The following LONRF2 variants were observed in gnomAD, a reference collection of about 807,000 sequenced individuals.
LONRF2 encodes the protein LON peptidase N-terminal domain and ring finger 2, also known as LON peptidase N-terminal domain and RING finger protein 2.
LONRF2 carries 35 observed loss-of-function variants against 66.6 expected under a neutral mutation model. The observed-to-expected ratio is 0.53, with a 90% CI of 0.40 to 0.70. The LOEUF is 0.70. LONRF2 is among the 30% of genes least tolerant of loss of function. The pLI is 0.00. For synonymous variants in LONRF2, 417 were observed against 418.1 expected (o/e 1.00, Z 0.03); for missense variants, 902 against 1,002.1 (o/e 0.90, Z 1.35).
At chr2:100,318,657 C>G (rs558355970) in intron 1 of LONRF2, among the ~76,000 whole-genome samples, 26 of 150,696 alleles carry the variant, frequency 1.7e-4, no homozygotes, top group African/African-American at 6.3e-4. Flanking sequence ...TGAAACACGT[C>G]TCTACTAAAC....
chr2:100,303,684 T>C (rs983578761), intron 2 of LONRF2, among the ~76,000 whole-genome samples: 16 of 152,220 alleles, frequency 1.1e-4, no homozygotes, highest in African/African-American at 3.6e-4. Flanking sequence ...CCATAAATAT[T>C]ATTTCCCTGT....
In LONRF2 at chr2:100,281,899, G is replaced by C. The variant is rs941589625; in HGVS notation, c.*2399C>G. 6 of 150,658 alleles carry C rather than the reference G, an allele frequency of 4.0e-5. No homozygotes were observed. The highest frequency in any genetic ancestry group is 1.2e-4 in the African/African-American group (5 of 40,992). The allele number at this position is 150,658 out of a possible 1,614,324, so 9.3% of individuals were successfully genotyped here. ...CTGAAGCTGGGGTTTTTTTTTTTTAGGTTTGTAAGGGAGGCTTCCTTCATG... is the reference window on the plus strand; with the variant it reads ...CTGAAGCTGGGGTTTTTTTTTTTTACGTTTGTAAGGGAGGCTTCCTTCATG... On this transcript the variant is annotated 3_prime_UTR_variant, in exon 12 of 12. Coordinates refer to ENST00000393437, the MANE Select transcript of LONRF2 (RefSeq NM_198461.4).
chr2:100,294,348 G>T lies in LONRF2; in HGVS notation c.1638C>A (p.Ala546=). 6.2e-7 allele frequency: 1 copy of T among 1,602,276 alleles called. No individual in the cohort carries two copies. The highest frequency in any genetic ancestry group is 1.1e-5 in the South Asian group (1 of 89,190). Residue 546 remains alanine, a synonymous_variant, in exon 9 of 12, where the codon GCC becomes GCA. Coordinates refer to ENST00000393437, the MANE Select transcript of LONRF2 (RefSeq NM_198461.4). The part of the protein sequence containing the change: ...RDVPIFVCAM[A]FPTVPCPLHV... ...GGAGTGGACATGGGACCGTGGGGAA[G>T]GCCATGGCACACACAAAGATGGGGA...
At chr2:100,307,607 G>A (rs763793215) in intron 2 of LONRF2, among the ~76,000 whole-genome samples, 9 of 152,276 alleles carry the variant, frequency 5.9e-5, no homozygotes, top group African/African-American at 9.6e-5. Context: ...TTGGGGCGAC[G>A]TCAGCCAAAA....
intron 1 of LONRF2, among the ~76,000 whole-genome samples, chr2:100,316,336 A>AGG: frequency 1.8e-5 from 1 of 54,856 alleles, no homozygotes; most frequent in African/African-American, 4.1e-5. Context: ...AAAAAAAAAA[A>AGG]AAGAAAGAAA....
intron 1 of LONRF2, among the ~76,000 whole-genome samples, chr2:100,312,369 C>G (rs1400339115): frequency 6.6e-6 from 1 of 151,984 alleles, no homozygotes; most frequent in African/African-American, 2.4e-5. Context: ...AAATATTTGT[C>G]CCTTAATGGC....
chr2:100,303,115 T>C (rs910841931), intron 2 of LONRF2, 72 bp from the exon 3 acceptor site: 2 of 1,374,108 alleles, frequency 1.5e-6, no homozygotes, highest in Admixed American at 4.9e-5. Context: ...CAAACTTCCC[T>C]GAACAAATTT....
Position 100,280,985 on chromosome 2 carries a change from A to C in LONRF2, c.*3313T>G, listed in dbSNP as rs960816760. ...AAATTTTGAAGAGTGGTATTTACCCAAGTAATTTAAGTGGTGGGGCACAAA... is the reference window on the plus strand; with the variant it reads ...AAATTTTGAAGAGTGGTATTTACCCCAGTAATTTAAGTGGTGGGGCACAAA... On this transcript the variant is annotated 3_prime_UTR_variant, in exon 12 of 12. Coordinates refer to ENST00000393437, the MANE Select transcript of LONRF2 (RefSeq NM_198461.4). 2 of 152,188 alleles carry C rather than the reference A, an allele frequency of 1.3e-5. No individual in the cohort carries two copies. The highest frequency in any genetic ancestry group is 2.9e-5 in the Non-Finnish European group (2 of 68,030). The allele number at this position is 152,188 out of a possible 1,614,324, so 9.4% of individuals were successfully genotyped here.
chr2:100,299,822 C>A lies in LONRF2; in HGVS notation c.1162G>T (p.Glu388Ter). Residue 388 changes from glutamate to a stop codon, truncating the protein, a stop_gained, in exon 5 of 12, where the codon GAA becomes TAA. Transcript: ENST00000393437. LOFTEE classifies it high-confidence loss of function. Reference sequence around the variant, plus strand: ...CTGGGTGCTGTTGGAAGGATGCTTTCTAACGCCTTTTTATCCTCTTCAAAG... The same window carrying A: ...CTGGGTGCTGTTGGAAGGATGCTTTATAACGCCTTTTTATCCTCTTCAAAG... Reference protein sequence around the residue: ...LHFEEDKKALESILPTAPSAG... With the variant: ...LHFEEDKKAL 6.2e-7 allele frequency: 1 copy of A among 1,613,758 alleles called. No homozygotes were observed. The highest frequency in any genetic ancestry group is 8.5e-7 in the Non-Finnish European group (1 of 1,179,774).
At chr2:100,312,708 T>C (rs1322933252) in intron 1 of LONRF2, among the ~76,000 whole-genome samples, 2 of 152,218 alleles carry the variant, frequency 1.3e-5, no homozygotes, top group Admixed American at 1.3e-4. Context: ...GAATCACTGT[T>C]TTCTTTGTTG....
intron 1 of LONRF2, among the ~76,000 whole-genome samples, chr2:100,317,704 G>A (rs577383619): frequency 6.6e-6 from 1 of 151,536 alleles, no homozygotes; most frequent in African/African-American, 2.4e-5. Context: ...TTGATTTTGT[G>A]AAAAATATTT....
intron 9 of LONRF2, among the ~76,000 whole-genome samples, chr2:100,291,936 G>A (rs917083676): frequency 1.3e-5 from 2 of 152,080 alleles, no homozygotes; most frequent in African/African-American, 4.8e-5. Context: ...CACAAAACAC[G>A]GAGGCTCAGA....
Position 100,278,132 on chromosome 2 carries a change from C to T in LONRF2, c.*6166G>A, listed in dbSNP as rs1354675061. ...CAAATTCTGGTCTGCAAACAGACCC[C>T]GAAATGGGCCTCTATCTTGCACCAC... On this transcript the variant is annotated 3_prime_UTR_variant, in exon 12 of 12. Transcript: ENST00000393437. 6.6e-6 allele frequency: 1 copy of T among 152,104 alleles called. No homozygotes were observed. Among genetic ancestry groups the T allele is most frequent in the Admixed American group, 6.5e-5 (1 of 15,282 alleles). The allele number at this position is 152,104 out of a possible 1,614,324, so 9.4% of individuals were successfully genotyped here.
chr2:100,303,094 A>G, intron 2 of LONRF2, 51 bp from the exon 3 acceptor site: 1 of 1,482,324 alleles, frequency 6.7e-7, no homozygotes, highest in Non-Finnish European at 9.0e-7. Flanking sequence ...GCATGATTAT[A>G]TACTTGAATA....
intron 10 of LONRF2, among the ~76,000 whole-genome samples, chr2:100,289,352 A>G (rs531859186): frequency 4.6e-5 from 7 of 151,972 alleles, no homozygotes; most frequent in Admixed American, 2.6e-4. Context: ...TGCCAGCTCC[A>G]GGGCTACAGC....
chr2:100,311,161 A>G (rs1376464781), intron 1 of LONRF2, among the ~76,000 whole-genome samples: 5 of 152,212 alleles, frequency 3.3e-5, no homozygotes, highest in Non-Finnish European at 4.4e-5. Flanking sequence ...TCCTCACGGT[A>G]TCTGCCTTTT....
At chr2:100,305,471 G>A (rs1675272873) in intron 2 of LONRF2, among the ~76,000 whole-genome samples, 1 of 152,160 alleles carries the variant, frequency 6.6e-6, no homozygotes, top group African/African-American at 2.4e-5. Flanking sequence ...GGGTAAATGT[G>A]AAGGTCTATT....
chr2:100,307,110 C>T (rs955907736), intron 2 of LONRF2, among the ~76,000 whole-genome samples: 10 of 151,994 alleles, frequency 6.6e-5, no homozygotes, highest in Admixed American at 2.0e-4. Flanking sequence ...TTAGTAGACA[C>T]GGGGTGTCAC....
At position 100,321,401 on chromosome 2, in the gene LONRF2, C is replaced by A; in HGVS notation, c.679+14G>T. On this transcript the variant is annotated intron_variant, in intron 1 of 11. Coordinates refer to ENST00000393437, the MANE Select transcript of LONRF2 (RefSeq NM_198461.4). The stretch of plus-strand genomic sequence containing the variant: ...AGGTGTAGGGGAGGCGGACCCGCCC[C>A]GCAGCCGACTCACCCAGCTCCAGGG... 1 of 1,429,050 alleles carries A rather than the reference C, an allele frequency of 7.0e-7. No individual in the cohort carries two copies. The highest frequency in any genetic ancestry group is 9.1e-7 in the Non-Finnish European group (1 of 1,102,376). The allele number at this position is 1,429,050 out of a possible 1,614,324, so 88.5% of individuals were successfully genotyped here.
Sources: allele counts gnomAD v4.1 joint callset (sites outside exome capture counted in the v4.1 genomes callset), GRCh38; gene constraint gnomAD v4.1.1; transcripts MANE v1.5; gene names NCBI Gene and HGNC (gene_info 2026-07-23, HGNC 2026-07-21).